Variants in ANKRD13C observed in about 807,000 individuals in gnomAD.
ANKRD13C encodes ankyrin repeat domain-containing protein 13C.
Under a neutral mutation model 65.5 loss-of-function variants are expected in ANKRD13C, and 16 were observed. The ratio of observed to expected loss-of-function variants is 0.24; its 90% CI spans 0.17 to 0.37. The LOEUF (loss-of-function observed/expected upper bound fraction) is 0.37, where lower values mean the gene tolerates loss of function less well. ANKRD13C is among the 10% of genes least tolerant of loss of function. ANKRD13C has a pLI of 1.00. For missense variants in ANKRD13C, 503 were observed against 655.9 expected, an observed-to-expected ratio of 0.77 and a Z score of 2.55; for synonymous variants, 235 against 238.7, an observed-to-expected ratio of 0.98 and a Z score of 0.14.
chr1:70,333,967 A>G (rs1181538093), intron 2 of ANKRD13C, among the ~76,000 whole-genome samples: 2 of 151,992 alleles, frequency 1.3e-5, no homozygotes, highest in African/African-American at 2.4e-5. Context: ...TGTTAAGAAG[A>G]AAAAAAAGCC....
intron 11 of ANKRD13C, among the ~76,000 whole-genome samples, chr1:70,272,104 G>T (rs1678907379): frequency 6.7e-6 from 1 of 150,298 alleles, no homozygotes; most frequent in African/African-American, 2.4e-5. Flanking sequence ...ATCTCAGAAA[G>T]ATCTGCTTTA....
In ANKRD13C at chr1:70,262,459, G is replaced by A. The variant is rs910848828; in HGVS notation, c.*258C>T. ...CAGCACTCATAGCTGCTTCACATACGCAGGTCTTAGGGTCATTAATGTGTC... is the reference window on the plus strand; with the variant it reads ...CAGCACTCATAGCTGCTTCACATACACAGGTCTTAGGGTCATTAATGTGTC... On this transcript the variant is annotated 3_prime_UTR_variant, in exon 13 of 13. Coordinates refer to ENST00000370944, the MANE Select transcript of ANKRD13C (RefSeq NM_030816.5). 5 of 205,580 alleles carry A rather than the reference G, an allele frequency of 2.4e-5. No individual in the cohort carries two copies. Among genetic ancestry groups the A allele is most frequent in the East Asian group, 1.1e-4 (1 of 9,136 alleles). 12.7% of individuals were successfully genotyped at this position (205,580 alleles called of 1,614,324 possible).
At chr1:70,318,689 T>G (rs1027101571) in intron 3 of ANKRD13C, among the ~76,000 whole-genome samples, 9 of 146,546 alleles carry the variant, frequency 6.1e-5, no homozygotes, top group East Asian at 2.0e-4. Context: ...GTTTTTTTTT[T>G]TTTTTTTTTT....
rs545086120 is a variant in ANKRD13C, at chr1:70,333,248, G to T, written c.472+2810C>A. ...AGTTAAATGAGTAAATACGTGTAAA[G>T]TACTAGGAAAAGCATCTGGTATATT... is the stretch of plus-strand genomic sequence containing the variant. On this transcript the variant is annotated intron_variant, in intron 2 of 12. Transcript: ENST00000370944. Among the ~76,000 whole-genome samples, 16 of 152,008 alleles carry T rather than the reference G, an allele frequency of 1.1e-4. No homozygotes were observed. The South Asian group carries it at 3.3e-3, about 32-fold the overall frequency.
rs866170191 is a variant in ANKRD13C at position 70,341,349 on chromosome 1, C to T, written c.431-5250G>A. Among the ~76,000 whole-genome samples the T allele has an allele frequency of 8.3e-4, 124 of 149,488 alleles. No homozygotes were observed. The Middle Eastern group carries it at 0.017, about 21-fold the overall frequency. ...ACTGATATATCAGGGTCCAAATCTA[C>T]CATCTTTTTGTGTGTTTTTTTTTTT... On this transcript the variant is annotated intron_variant, in intron 1 of 12. Transcript: ENST00000370944.
intron 9 of ANKRD13C, among the ~76,000 whole-genome samples, chr1:70,278,874 T>C (rs770157207): frequency 2.0e-5 from 3 of 152,084 alleles, no homozygotes; most frequent in Non-Finnish European, 4.4e-5. Context: ...CACTAACTCA[T>C]AGTTAAAAAT....
chr1:70,261,479 C>T lies in ANKRD13C; in HGVS notation c.*1238G>A, dbSNP rs1347873389. 1 of 152,028 alleles carries T rather than the reference C, an allele frequency of 6.6e-6. No individual in the cohort carries two copies. The highest frequency in any genetic ancestry group is 2.4e-5 in the African/African-American group (1 of 41,408). The allele number at this position is 152,028 out of a possible 1,614,324, so 9.4% of individuals were successfully genotyped here. ...AACATGATACTTTATAACTGTTATACATTAATCCCCCTAATTTATTTTCAT... is the reference window on the plus strand; with the variant it reads ...AACATGATACTTTATAACTGTTATATATTAATCCCCCTAATTTATTTTCAT... On this transcript the variant is annotated 3_prime_UTR_variant, in exon 13 of 13. Transcript: ENST00000370944.
chr1:70,298,347 A>G (rs1680182695), intron 7 of ANKRD13C, among the ~76,000 whole-genome samples: 1 of 152,184 alleles, frequency 6.6e-6, no homozygotes, highest in Non-Finnish European at 1.5e-5. Flanking sequence ...AATTAATTAC[A>G]TTGCTTCAAC....
intron 9 of ANKRD13C, among the ~76,000 whole-genome samples, chr1:70,283,587 C>T (rs1351579781): frequency 2.0e-5 from 3 of 151,824 alleles, no homozygotes; most frequent in African/African-American, 4.8e-5. Flanking sequence ...GAGGTCGAGG[C>T]GGGTGGATCC....
chr1:70,274,528 T>C (rs1270850517), intron 11 of ANKRD13C, among the ~76,000 whole-genome samples, 192 bp downstream of exon 11: 3 of 149,626 alleles, frequency 2.0e-5, no homozygotes, highest in African/African-American at 7.4e-5. Context: ...AAAATTTATC[T>C]GGTGAAAGTA....
chr1:70,320,129 C>G (rs1012606682), intron 3 of ANKRD13C, among the ~76,000 whole-genome samples: 5 of 152,090 alleles, frequency 3.3e-5, no homozygotes, highest in African/African-American at 1.2e-4. Flanking sequence ...AAAAAGCCAG[C>G]AGAGCTGACA....
intron 3 of ANKRD13C, 30 bp downstream of exon 3, chr1:70,324,823 A>G: frequency 6.9e-7 from 1 of 1,456,410 alleles, no homozygotes; most frequent in Non-Finnish European, 9.4e-7. Context: ...TTTAGAAGAT[A>G]TATCAACAAC....
chr1:70,353,813 T>C (rs1682861719), intron 1 of ANKRD13C, among the ~76,000 whole-genome samples, 166 bp downstream of exon 1: 1 of 152,122 alleles, frequency 6.6e-6, no homozygotes, highest in African/African-American at 2.4e-5. Context: ...AACCAACCCC[T>C]TGACCACTGG....
intron 3 of ANKRD13C, among the ~76,000 whole-genome samples, chr1:70,322,616 A>T (rs1225504732): frequency 6.6e-6 from 1 of 152,204 alleles, no homozygotes; most frequent in Non-Finnish European, 1.5e-5. Context: ...TCTTAAACAG[A>T]AGAGACCAGG....
chr1:70,347,249 C>T (rs371985349), intron 1 of ANKRD13C, among the ~76,000 whole-genome samples: 1 of 152,036 alleles, frequency 6.6e-6, no homozygotes, highest in South Asian at 2.1e-4. Flanking sequence ...CCCAGCTCTC[C>T]CTCAAGAAAA....
intron 5 of ANKRD13C, among the ~76,000 whole-genome samples, chr1:70,311,298 G>A (rs1369978022): frequency 6.6e-6 from 1 of 152,050 alleles, no homozygotes; most frequent in Non-Finnish European, 1.5e-5. Context: ...TTCGAGACCA[G>A]CCTGGCCAAC....
intron 9 of ANKRD13C, among the ~76,000 whole-genome samples, chr1:70,284,367 A>G (rs1331871743): frequency 6.6e-6 from 1 of 152,048 alleles, no homozygotes; most frequent in African/African-American, 2.4e-5. Context: ...TATTTTCTAG[A>G]TTTTTGAAAC....
intron 2 of ANKRD13C, among the ~76,000 whole-genome samples, chr1:70,325,722 A>T (rs11579782): frequency 1.3e-5 from 2 of 151,656 alleles, no homozygotes; most frequent in Non-Finnish European, 2.9e-5. Context: ...ACTAAAAAAT[A>T]AAAAAAATTA....
chr1:70,265,415 C>T (rs542311239), intron 12 of ANKRD13C, among the ~76,000 whole-genome samples: 1 of 152,218 alleles, frequency 6.6e-6, no homozygotes, highest in South Asian at 2.1e-4. Context: ...GTTTCTACTA[C>T]ATTTAACAAT....
Sources: gnomAD v4.1 joint callset for allele counts (sites outside exome capture counted in the v4.1 genomes callset) on GRCh38, gnomAD v4.1.1 for gene constraint, MANE v1.5 for transcripts, NCBI Gene and HGNC (gene_info 2026-07-23, HGNC 2026-07-21) for gene names.